Variants in CNTNAP2 observed in about 807,000 individuals in gnomAD.
CNTNAP2 encodes contactin associated protein 2.
Under a neutral mutation model 155.2 loss-of-function variants are expected in CNTNAP2, and 98 were observed. That is an observed-to-expected ratio of 0.63 (90% CI 0.54 to 0.75). CNTNAP2 has a LOEUF of 0.75. CNTNAP2 is among the 30% of genes least tolerant of loss of function. CNTNAP2 has a pLI of 0.00. For synonymous variants in CNTNAP2, 651 were observed against 631.2 expected, an observed-to-expected ratio of 1.03 and a Z score of -0.47; for missense variants, 1,727 against 1,688.1, an observed-to-expected ratio of 1.02 and a Z score of -0.40.
intron 10 of CNTNAP2, among the ~76,000 whole-genome samples, chr7:147,427,539 T>C (rs184153994): frequency 1.2e-4 from 18 of 152,226 alleles, no homozygotes; most frequent in East Asian, 9.7e-4. Flanking sequence ...GCCCCCGTCA[T>C]GGAGAGTTTT....
intron 1 of CNTNAP2, among the ~76,000 whole-genome samples, chr7:146,338,247 A>AT (rs1801313626): frequency 6.6e-6 from 1 of 152,044 alleles, no homozygotes; most frequent in Non-Finnish European, 1.5e-5. Context: ...AAATGCTGGC[A>AT]TTTTCTGTCA....
chr7:147,530,896 T>C (rs1447389359), intron 11 of CNTNAP2, among the ~76,000 whole-genome samples: 1 of 152,162 alleles, frequency 6.6e-6, no homozygotes, highest in African/African-American at 2.4e-5. Flanking sequence ...GCAAGCTAGT[T>C]GCTTTCTAGA....
intron 21 of CNTNAP2, among the ~76,000 whole-genome samples, chr7:148,338,590 A>G (rs1002307683): frequency 1.3e-5 from 2 of 152,246 alleles, no homozygotes; most frequent in South Asian, 4.1e-4. Context: ...CTGATGAACC[A>G]GGAGGCAGAG....
chr7:147,553,860 A>G (rs544091665), intron 11 of CNTNAP2, among the ~76,000 whole-genome samples: 1 of 152,250 alleles, frequency 6.6e-6, no homozygotes, highest in Middle Eastern at 3.4e-3. Context: ...AATCCCAGCT[A>G]CCAAGGCAGG....
intron 15 of CNTNAP2, among the ~76,000 whole-genome samples, chr7:147,979,074 G>A (rs184065223): frequency 1.3e-5 from 2 of 152,284 alleles, no homozygotes; most frequent in Admixed American, 1.3e-4. Context: ...ATGTCCTAAG[G>A]AACGTAATGA....
chr7:147,346,264 C>T lies in CNTNAP2; in HGVS notation c.1498+45974C>T, dbSNP rs547168639. Among the ~76,000 whole-genome samples, 115 of 150,922 alleles carry T rather than the reference C, an allele frequency of 7.6e-4. 1 individual carries two copies. The highest frequency in any genetic ancestry group is 1.4e-3 in the Non-Finnish European group (94 of 67,778). Reference sequence around the variant, plus strand: ...CCGCTTCCCGGGTTCACGCCATTCTCCTGCCTCAGCCTCCCGAGTAGCTGG... The same window carrying T: ...CCGCTTCCCGGGTTCACGCCATTCTTCTGCCTCAGCCTCCCGAGTAGCTGG... On this transcript the variant is annotated intron_variant, in intron 9 of 23. Transcript: ENST00000361727.
At chr7:147,373,954 A>G (rs1206706369) in intron 9 of CNTNAP2, among the ~76,000 whole-genome samples, 1 of 152,002 alleles carries the variant, frequency 6.6e-6, no homozygotes, top group Non-Finnish European at 1.5e-5. Context: ...AGATAAATTT[A>G]TCAGGAAAAA....
At chr7:146,541,343 G>T (rs1226133206) in intron 1 of CNTNAP2, among the ~76,000 whole-genome samples, 1 of 151,992 alleles carries the variant, frequency 6.6e-6, no homozygotes, top group African/African-American at 2.4e-5. Flanking sequence ...CCTCCTTGAG[G>T]TCTAATAAGG....
chr7:146,826,836 GTATA>G (rs376484843), intron 2 of CNTNAP2, among the ~76,000 whole-genome samples: 183 of 144,112 alleles, frequency 1.3e-3, no homozygotes, highest in East Asian at 6.8e-3. Context: ...ATGAATATAT[GTATA>G]TATATATATA....
chr7:146,374,945 A>G (rs370472346), intron 1 of CNTNAP2, among the ~76,000 whole-genome samples: 17 of 152,336 alleles, frequency 1.1e-4, no homozygotes, highest in Admixed American at 7.8e-4. Flanking sequence ...AAAAATTCTC[A>G]TATGCTAGTT....
intron 3 of CNTNAP2, among the ~76,000 whole-genome samples, chr7:147,025,848 GT>G (rs1798908796): frequency 7.8e-6 from 1 of 128,646 alleles, no homozygotes; most frequent in South Asian, 2.5e-4. Flanking sequence ...GTGTGTTGCT[GT>G]TGTTTTTTTT....
At chr7:147,269,136 T>G (rs1348971101) in intron 8 of CNTNAP2, among the ~76,000 whole-genome samples, 4 of 152,196 alleles carry the variant, frequency 2.6e-5, no homozygotes, top group Non-Finnish European at 5.9e-5. Context: ...ATCTAAAGCT[T>G]AATTCACCTT....
At chr7:148,280,617 A>C (rs971896017) in intron 21 of CNTNAP2, among the ~76,000 whole-genome samples, 1 of 151,922 alleles carries the variant, frequency 6.6e-6, no homozygotes, top group Non-Finnish European at 1.5e-5. Flanking sequence ...TTAAAGTTTC[A>C]ATTAGAAAAA....
intron 11 of CNTNAP2, among the ~76,000 whole-genome samples, chr7:147,526,306 A>C (rs553104333): frequency 1.3e-5 from 2 of 152,224 alleles, no homozygotes; most frequent in South Asian, 2.1e-4. Flanking sequence ...GGGACAAATA[A>C]GTTCATTTGT....
At chr7:147,262,838 A>G (rs1459844551) in intron 8 of CNTNAP2, among the ~76,000 whole-genome samples, 3 of 152,144 alleles carry the variant, frequency 2.0e-5, no homozygotes, top group Non-Finnish European at 2.9e-5. Context: ...AAGGTACCCA[A>G]GTACAAGGAA....
Position 146,810,930 on chromosome 7 carries a change from A to G in CNTNAP2, c.209-28781A>G, listed in dbSNP as rs377251270. Among the ~76,000 whole-genome samples, 318 of 152,308 alleles carry G rather than the reference A, an allele frequency of 2.1e-3. 1 individual carries two copies. Among genetic ancestry groups the G allele is most frequent in the South Asian group, 6.2e-3 (30 of 4,830 alleles). The stretch of plus-strand genomic sequence containing the variant: ...AGCCTTCATTCTATTAATATAGTAT[A>G]TCACACTTTCTGTTTTGCATATGTT... On this transcript the variant is annotated intron_variant, in intron 2 of 23. Coordinates refer to ENST00000361727, the MANE Select transcript of CNTNAP2 (RefSeq NM_014141.6).
At chr7:148,229,486 T>A (rs568260488) in intron 19 of CNTNAP2, among the ~76,000 whole-genome samples, 160 bp from the exon 20 acceptor site, 1 of 151,344 alleles carries the variant, frequency 6.6e-6, no homozygotes, top group South Asian at 2.1e-4. Context: ...GATCGCACCA[T>A]TGCACTCCAG....
intron 18 of CNTNAP2, among the ~76,000 whole-genome samples, chr7:148,187,507 C>T (rs77422637): frequency 0.094 from 14,233 of 152,192 alleles, 751 homozygotes; most frequent in Non-Finnish European, 0.12. Flanking sequence ...GACTGCGCTA[C>T]GTAAAACGAG....
intron 1 of CNTNAP2, among the ~76,000 whole-genome samples, chr7:146,614,608 G>T (rs1799193950): frequency 1.3e-5 from 2 of 152,170 alleles, no homozygotes; most frequent in Non-Finnish European, 2.9e-5. Flanking sequence ...ATGCAAACCT[G>T]CAGGGAAAAT....
Sources: allele counts gnomAD v4.1 joint callset (sites outside exome capture counted in the v4.1 genomes callset), GRCh38; gene constraint gnomAD v4.1.1; transcripts MANE v1.5; gene names NCBI Gene and HGNC (gene_info 2026-07-23, HGNC 2026-07-21).